SGSM1: variants seen among roughly 807,000 people sequenced by gnomAD.
SGSM1 encodes the protein RUN and TBC1 domain containing 2.
In SGSM1, 73 loss-of-function variants were observed where a neutral mutation model predicts 133.8. The observed-to-expected ratio is 0.55, with a 90% CI of 0.45 to 0.66. The LOEUF is 0.66. Ranked by LOEUF, SGSM1 falls within the 30% of genes least tolerant of loss-of-function variation. The pLI is 0.00. For missense variants in SGSM1, 1,213 were observed against 1,448.1 expected, an observed-to-expected ratio of 0.84 and a Z score of 2.64; for synonymous variants, 563 against 573.0, an observed-to-expected ratio of 0.98 and a Z score of 0.25.
chr22:24,807,416 CTGTG>C (rs1022173590), intron 2 of SGSM1, among the ~76,000 whole-genome samples: 2 of 151,746 alleles, frequency 1.3e-5, no homozygotes, highest in African/African-American at 2.4e-5. Flanking sequence ...GAGGGTGGGT[CTGTG>C]TGTGTATATT....
At chr22:24,914,045 C>T (rs999295099) in intron 22 of SGSM1, among the ~76,000 whole-genome samples, 7 of 151,914 alleles carry the variant, frequency 4.6e-5, no homozygotes, top group African/African-American at 1.7e-4. Flanking sequence ...AATCCCAGCA[C>T]TTTGGGAGGT....
At chr22:24,918,374 T>A (rs1478335204) in intron 23 of SGSM1, among the ~76,000 whole-genome samples, 1 of 151,682 alleles carries the variant, frequency 6.6e-6, no homozygotes, top group African/African-American at 2.4e-5. Flanking sequence ...CACATGCCTA[T>A]AGTTTCAGCT....
intron 9 of SGSM1, among the ~76,000 whole-genome samples, chr22:24,860,915 AAAAAAAAATATATAT>A (rs1213134494): frequency 9.1e-5 from 10 of 109,484 alleles, no homozygotes; most frequent in African/African-American, 3.2e-4. Flanking sequence ...AAAAAAAAAA[AAAAAAAAATATATAT>A]ATATATATAT....
chr22:24,865,897 G>A (rs1044793152), intron 9 of SGSM1, among the ~76,000 whole-genome samples: 3 of 151,612 alleles, frequency 2.0e-5, no homozygotes, highest in Non-Finnish European at 4.4e-5. Context: ...TGTCTTGCAG[G>A]AATGGGCGGC....
rs1934168219 is a variant in SGSM1, at chr22:24,925,457, G to T, written c.*1183G>T. ...TCTCCTTTTTTCTCCTCTGTCTGAT[G>T]CCAGAAGATACTTGTTTTCTTCTTT... On this transcript the variant is annotated 3_prime_UTR_variant, in exon 25 of 25. Transcript: ENST00000400358. The T allele has an allele frequency of 6.6e-6, 1 of 152,042 alleles. No individual in the cohort carries two copies. The highest frequency in any genetic ancestry group is 2.1e-4 in the South Asian group (1 of 4,824). 9.4% of individuals were successfully genotyped at this position (152,042 alleles called of 1,614,324 possible).
chr22:24,868,328 C>T, intron 10 of SGSM1, 48 bp from the exon 11 acceptor site: 1 of 1,574,038 alleles, frequency 6.4e-7, no homozygotes, highest in Non-Finnish European at 8.6e-7. Flanking sequence ...TGTCACCGTG[C>T]CTCATAGTGA....
chr22:24,807,919 G>A (rs530493385), intron 2 of SGSM1, among the ~76,000 whole-genome samples: 11 of 151,352 alleles, frequency 7.3e-5, no homozygotes, highest in Non-Finnish European at 1.2e-4. Flanking sequence ...GTGTCTCTGT[G>A]TGTGGCATGT....
intron 2 of SGSM1, among the ~76,000 whole-genome samples, chr22:24,826,224 A>G (rs1189033464): frequency 5.3e-5 from 8 of 152,374 alleles, no homozygotes; most frequent in Middle Eastern, 3.4e-3. Flanking sequence ...TTAAATTTGA[A>G]TTTCAGAGAA....
chr22:24,848,718 A>G (rs1930288257), intron 4 of SGSM1, among the ~76,000 whole-genome samples: 1 of 152,236 alleles, frequency 6.6e-6, no homozygotes, highest in African/African-American at 2.4e-5. Flanking sequence ...TTCTGGGGAA[A>G]AGCACATGGA....
At chr22:24,861,858 T>C (rs775081915) in intron 9 of SGSM1, among the ~76,000 whole-genome samples, 1 of 151,404 alleles carries the variant, frequency 6.6e-6, no homozygotes, top group Non-Finnish European at 1.5e-5. Flanking sequence ...TATATGGAGA[T>C]GGTTTCTCGT....
At chr22:24,840,495 C>CA (rs1929725105) in intron 2 of SGSM1, among the ~76,000 whole-genome samples, 1 of 152,084 alleles carries the variant, frequency 6.6e-6, no homozygotes, top group African/African-American at 2.4e-5. Flanking sequence ...AGGCATCCAC[C>CA]ATCATGTCCG....
At chr22:24,902,902 A>G (rs1402062476) in intron 20 of SGSM1, among the ~76,000 whole-genome samples, 5 of 152,108 alleles carry the variant, frequency 3.3e-5, no homozygotes, top group African/African-American at 7.2e-5. Context: ...TTAGCCAGGC[A>G]TGATTGTATA....
rs751660057 is a variant in SGSM1 at position 24,898,231 on chromosome 22, G to A, written c.2282G>A (p.Ser761Asn). 2.5e-6 allele frequency: 4 copies of A among 1,613,486 alleles called. No individual in the cohort carries two copies. Among genetic ancestry groups the A allele is most frequent in the Admixed American group, 1.7e-5 (1 of 59,990 alleles). The change falls in exon 19 of 25, where the codon AGC (serine) becomes AAC (asparagine). Residue 761 changes from serine (S) to asparagine (N), a missense_variant. Transcript: ENST00000400358. The stretch of plus-strand genomic sequence containing the variant: ...GATGGCAGCGTGGATGACAGGCAGA[G>A]CAGCGAGGCCACCACATCTCAGGAT... ...PRDGSVDDRQ[S>N]SEATTSQDEA...
intron 9 of SGSM1, among the ~76,000 whole-genome samples, chr22:24,862,246 G>A (rs1466643449): frequency 6.6e-6 from 1 of 152,054 alleles, no homozygotes; most frequent in African/African-American, 2.4e-5. Context: ...CACCGCACCC[G>A]GCCACCCAGA....
intron 8 of SGSM1, among the ~76,000 whole-genome samples, chr22:24,858,391 G>A (rs1930929528): frequency 6.6e-6 from 1 of 152,090 alleles, no homozygotes; most frequent in South Asian, 2.1e-4. Context: ...AAGGCGGGTG[G>A]ATTACCTGAG....
intron 22 of SGSM1, among the ~76,000 whole-genome samples, chr22:24,916,708 A>T (rs1933833591): frequency 6.6e-6 from 1 of 152,038 alleles, no homozygotes. Context: ...AAAAAAAAAA[A>T]ATTTGTTTTT....
chr22:24,865,427 G>A (rs1211633592), intron 9 of SGSM1, among the ~76,000 whole-genome samples: 2 of 152,156 alleles, frequency 1.3e-5, no homozygotes, highest in African/African-American at 2.4e-5. Flanking sequence ...CGTGAAGTCT[G>A]GTGAGGCTGA....
At chr22:24,867,816 C>G (rs1211004140) in intron 10 of SGSM1, among the ~76,000 whole-genome samples, 2 of 152,232 alleles carry the variant, frequency 1.3e-5, no homozygotes, top group Non-Finnish European at 2.9e-5. Context: ...GACCCAGACT[C>G]TGCCATTGAT....
intron 24 of SGSM1, among the ~76,000 whole-genome samples, chr22:24,920,229 G>T (rs899869983): frequency 1.3e-5 from 2 of 152,162 alleles, no homozygotes; most frequent in Non-Finnish European, 2.9e-5. Context: ...CAGCTCAGGG[G>T]CAAAGTCTGG....
Sources: allele counts gnomAD v4.1 joint callset (sites outside exome capture counted in the v4.1 genomes callset), GRCh38; gene constraint gnomAD v4.1.1; transcripts MANE v1.5; gene names NCBI Gene and HGNC (gene_info 2026-07-23, HGNC 2026-07-21).